Variants in DCDC2 observed in about 807,000 individuals in gnomAD.
The protein encoded by DCDC2 is doublecortin domain-containing protein 2.
In DCDC2, 40 loss-of-function variants were observed where a neutral mutation model predicts 50.2. That is an observed-to-expected ratio of 0.80 (90% CI 0.62 to 1.04). DCDC2 has a LOEUF of 1.04. DCDC2 is among the 50% of genes least tolerant of loss of function. The pLI is 0.00. For missense variants in DCDC2, 570 were observed against 581.9 expected (o/e 0.98, Z 0.21); for synonymous variants, 234 against 210.6 (o/e 1.11, Z -0.96).
the DCDC2 span, among the ~76,000 whole-genome samples, chr6:24,376,242 A>G: frequency 6.6e-6 from 1 of 152,212 alleles, no homozygotes; most frequent in East Asian, 1.9e-4. Context: ...TATAAATTCT[A>G]TGACGCACTG....
At chr6:24,374,542 G>A in the DCDC2 span, among the ~76,000 whole-genome samples, 1,302 of 120,412 alleles carry the variant, frequency 0.011, 24 homozygotes, top group African/African-American at 0.038. Context: ...TCAGGCCACT[G>A]CACTCCAGCC....
At chr6:24,342,185 GT>G in intron 2 of DCDC2, among the ~76,000 whole-genome samples, 1 of 152,078 alleles carries the variant, frequency 6.6e-6, no homozygotes, top group East Asian at 1.9e-4. Flanking sequence ...ATCTCTTTAG[GT>G]GGTTGCTATG....
chr6:24,284,377 G>A (rs893206761), intron 6 of DCDC2, among the ~76,000 whole-genome samples: 1 of 152,026 alleles, frequency 6.6e-6, no homozygotes, highest in Non-Finnish European at 1.5e-5. Context: ...AGAGGCCGAG[G>A]CAGGTGGATC....
intron 7 of DCDC2, among the ~76,000 whole-genome samples, chr6:24,207,615 C>T (rs1453697537): frequency 6.6e-6 from 1 of 152,152 alleles, no homozygotes; most frequent in Non-Finnish European, 1.5e-5. Flanking sequence ...TGGAGACCAT[C>T]ACAGAGACAT....
chr6:24,291,599 C>T (rs147332462), intron 4 of DCDC2, among the ~76,000 whole-genome samples: 13,724 of 148,440 alleles, frequency 0.092, 795 homozygotes, highest in East Asian at 0.17. Context: ...CATTCTCCTG[C>T]CTCAGCCTCC....
At chr6:24,333,303 C>T (rs917182787) in intron 2 of DCDC2, among the ~76,000 whole-genome samples, 8 of 152,082 alleles carry the variant, frequency 5.3e-5, no homozygotes, top group Non-Finnish European at 7.4e-5. Flanking sequence ...AAGACGGTGG[C>T]AAGGTCAGAG....
intron 7 of DCDC2, among the ~76,000 whole-genome samples, chr6:24,232,970 A>G (rs1190077229): frequency 6.6e-6 from 1 of 152,220 alleles, no homozygotes. Flanking sequence ...CCTTTTCTGA[A>G]GCATGATAGG....
At chr6:24,184,140 G>T (rs1761141682) in intron 8 of DCDC2, among the ~76,000 whole-genome samples, 1 of 152,204 alleles carries the variant, frequency 6.6e-6, no homozygotes, top group African/African-American at 2.4e-5. Context: ...ACAAAAGGCA[G>T]TCTTGTCCCA....
At chr6:24,220,038 C>T (rs1015103730) in intron 7 of DCDC2, among the ~76,000 whole-genome samples, 2 of 152,180 alleles carry the variant, frequency 1.3e-5, no homozygotes, top group African/African-American at 4.8e-5. Context: ...CTGAAAATGA[C>T]AAAAGAGAAG....
rs1326123835 is a variant in DCDC2, at chr6:24,290,834, A to T, written c.704+98T>A. ...CTTTCCATTCTAAGTAATAAATAAG[A>T]TTATCAATTACATAAAATATAATGG... On this transcript the variant is annotated intron_variant, in intron 5 of 9. Coordinates refer to ENST00000378454, the MANE Select transcript of DCDC2 (RefSeq NM_016356.5). The T allele has an allele frequency of 2.9e-6, 3 of 1,048,582 alleles. No homozygotes were observed. The African/African-American group carries it at 4.9e-5, about 17-fold the overall frequency. 65.0% of individuals were successfully genotyped at this position (1,048,582 alleles called of 1,614,324 possible). A position where few individuals can be genotyped will look rare whatever the true frequency, so the allele number is the denominator to read the frequency against.
At chr6:24,351,381 A>C (rs1254468237) in intron 2 of DCDC2, among the ~76,000 whole-genome samples, 1 of 152,192 alleles carries the variant, frequency 6.6e-6, no homozygotes, top group African/African-American at 2.4e-5. Flanking sequence ...GACTCTAGCG[A>C]ACAAGTGGGA....
At chr6:24,240,420 T>C (rs1762541725) in intron 7 of DCDC2, among the ~76,000 whole-genome samples, 1 of 152,194 alleles carries the variant, frequency 6.6e-6, no homozygotes. Flanking sequence ...ATGGTGTTTT[T>C]AACCTAAAAT....
intron 7 of DCDC2, among the ~76,000 whole-genome samples, chr6:24,263,322 A>G (rs1763052350): frequency 6.6e-6 from 1 of 152,214 alleles, no homozygotes; most frequent in South Asian, 2.1e-4. Context: ...TAACCGTTCA[A>G]TGCTCGGACA....
the DCDC2 span, among the ~76,000 whole-genome samples, chr6:24,364,119 C>A: frequency 6.6e-6 from 1 of 152,062 alleles, no homozygotes; most frequent in African/African-American, 2.4e-5. Flanking sequence ...CTCCTTCCAA[C>A]TCCCTCTATA....
chr6:24,230,493 A>G (rs1368937636), intron 7 of DCDC2, among the ~76,000 whole-genome samples: 1 of 151,962 alleles, frequency 6.6e-6, no homozygotes, highest in Non-Finnish European at 1.5e-5. Context: ...AAATAAATAT[A>G]ATTAGCTGAG....
In DCDC2 at chr6:24,288,973, T is replaced by C. The variant is rs972306370; in HGVS notation, c.705-67A>G. The C allele has an allele frequency of 2.4e-6, 3 of 1,228,824 alleles. No homozygotes were observed. The African/African-American group carries it at 4.6e-5, about 19-fold the overall frequency. The allele number at this position is 1,228,824 out of a possible 1,614,324, so 76.1% of individuals were successfully genotyped here. A position where few individuals can be genotyped will look rare whatever the true frequency, so the allele number is the denominator to read the frequency against. ...ACAAATAATGTACAATGCAAGATAA[T>C]TATCATCCCCACCTGGAAGTCAACT... On this transcript the variant is annotated intron_variant, in intron 5 of 9. Coordinates refer to ENST00000378454, the MANE Select transcript of DCDC2 (RefSeq NM_016356.5).
chr6:24,357,277 C>T, intron 1 of DCDC2, 181 bp downstream of exon 1: 2 of 592,216 alleles, frequency 3.4e-6, no homozygotes, highest in Non-Finnish European at 5.5e-6. Context: ...ATTCCTTCTC[C>T]AGTCACAGTG....
chr6:24,241,072 T>C (rs1762552960), intron 7 of DCDC2, among the ~76,000 whole-genome samples: 1 of 152,208 alleles, frequency 6.6e-6, no homozygotes, highest in Non-Finnish European at 1.5e-5. Flanking sequence ...TGCAGTAGAA[T>C]ACAGGCGGAA....
intron 4 of DCDC2, among the ~76,000 whole-genome samples, chr6:24,292,799 G>C (rs888112292): frequency 5.9e-5 from 9 of 152,190 alleles, no homozygotes; most frequent in Admixed American, 1.3e-4. Flanking sequence ...CCTGTACATT[G>C]TAAGATGTTT....
Sources: allele counts gnomAD v4.1 joint callset (sites outside exome capture counted in the v4.1 genomes callset), GRCh38; gene constraint gnomAD v4.1.1; transcripts MANE v1.5; gene names NCBI Gene and HGNC (gene_info 2026-07-23, HGNC 2026-07-21).